The following DLGAP2 variants were observed in gnomAD, a reference collection of about 807,000 sequenced individuals.
DLGAP2 encodes disks large-associated protein 2.
DLGAP2 carries 26 observed loss-of-function variants against 100.3 expected under a neutral mutation model. The observed-to-expected ratio is 0.26, with a 90% CI of 0.19 to 0.36. The LOEUF (loss-of-function observed/expected upper bound fraction) is 0.36. Among genes scored for constraint, DLGAP2 ranks in the 10% least tolerant of loss-of-function variants. DLGAP2 has a pLI of 1.00. For missense variants in DLGAP2, 1,858 were observed against 1,453.2 expected (o/e 1.28, Z -4.53); for synonymous variants, 886 against 630.1 (o/e 1.41, Z -6.08).
intron 2 of DLGAP2, among the ~76,000 whole-genome samples, chr8:1,206,435 GCCAT>G (rs1797992741): frequency 1.0e-5 from 1 of 99,280 alleles, no homozygotes; most frequent in Non-Finnish European, 2.1e-5. Flanking sequence ...TTAATCTCCA[GCCAT>G]CCGTGGACTG....
chr8:1,346,500 C>T (rs1348428171), intron 3 of DLGAP2, among the ~76,000 whole-genome samples: 2 of 150,572 alleles, frequency 1.3e-5, no homozygotes, highest in Non-Finnish European at 2.9e-5. Context: ...GCATTGCTCT[C>T]ATGATAGCTG....
chr8:802,189 ATGGT>A (rs1796179785), intron 1 of DLGAP2, among the ~76,000 whole-genome samples: 1 of 137,552 alleles, frequency 7.3e-6, no homozygotes, highest in African/African-American at 2.6e-5. Flanking sequence ...GGCCTGGGGA[ATGGT>A]CTGCACTCCT....
At chr8:1,557,593 A>C (rs1240032184) in intron 5 of DLGAP2, among the ~76,000 whole-genome samples, 2 of 152,048 alleles carry the variant, frequency 1.3e-5, no homozygotes, top group Non-Finnish European at 2.9e-5. Flanking sequence ...TGCGTGAGTC[A>C]GCTCGGGTGC....
At chr8:778,023 A>G (rs1821575450) in intron 1 of DLGAP2, among the ~76,000 whole-genome samples, 2 of 146,978 alleles carry the variant, frequency 1.4e-5, no homozygotes, top group Admixed American at 6.9e-5. Flanking sequence ...ACGTAGTCCC[A>G]TATTTCTTGG....
At chr8:1,131,152 A>T (rs528027081) in intron 2 of DLGAP2, among the ~76,000 whole-genome samples, 2 of 152,220 alleles carry the variant, frequency 1.3e-5, no homozygotes, top group Non-Finnish European at 2.9e-5. Flanking sequence ...CTACCTTCAC[A>T]CGGTTCTCTG....
At chr8:1,620,045 T>TC (rs1048844845) in intron 6 of DLGAP2, among the ~76,000 whole-genome samples, 4 of 152,084 alleles carry the variant, frequency 2.6e-5, no homozygotes, top group African/African-American at 7.2e-5. Context: ...CGTTGCTTCA[T>TC]CCCCCCATCC....
At chr8:1,110,454 G>A (rs991985297) in intron 2 of DLGAP2, among the ~76,000 whole-genome samples, 10 of 151,286 alleles carry the variant, frequency 6.6e-5, no homozygotes, top group African/African-American at 1.9e-4. Context: ...TGCTGGGTCT[G>A]TGGGGTGTGC....
chr8:1,392,648 C>T (rs893422200), intron 3 of DLGAP2, among the ~76,000 whole-genome samples: 10 of 152,186 alleles, frequency 6.6e-5, no homozygotes, highest in Admixed American at 3.9e-4. Context: ...TGGGGAGTCC[C>T]GTGGGCCTGG....
chr8:1,219,120 C>G (rs890251337), intron 2 of DLGAP2, among the ~76,000 whole-genome samples: 2 of 152,152 alleles, frequency 1.3e-5, no homozygotes, highest in African/African-American at 4.8e-5. Context: ...ATTTGTTTCT[C>G]TTGCCTGACT....
intron 3 of DLGAP2, among the ~76,000 whole-genome samples, chr8:1,428,596 CATT>C (rs1797304352): frequency 6.6e-6 from 1 of 152,212 alleles, no homozygotes; most frequent in Non-Finnish European, 1.5e-5. Flanking sequence ...TTAAATAAGA[CATT>C]AGACATTTAC....
intron 1 of DLGAP2, among the ~76,000 whole-genome samples, chr8:830,201 G>A (rs982586048): frequency 7.2e-5 from 11 of 152,192 alleles, no homozygotes; most frequent in Non-Finnish European, 4.4e-5. Flanking sequence ...ATATATTTAT[G>A]ACGTACATGA....
At chr8:1,340,700 C>G (rs1473491112) in intron 3 of DLGAP2, among the ~76,000 whole-genome samples, 1 of 152,148 alleles carries the variant, frequency 6.6e-6, no homozygotes, top group Non-Finnish European at 1.5e-5. Flanking sequence ...AGACAAACAC[C>G]ATTGGACTCA....
At chr8:1,464,612 C>A (rs1358148215) in intron 3 of DLGAP2, among the ~76,000 whole-genome samples, 1 of 152,246 alleles carries the variant, frequency 6.6e-6, no homozygotes. Context: ...AGCTCCCAGG[C>A]AGCTAGTCAC....
At chr8:1,176,741 C>T (rs554635975) in intron 2 of DLGAP2, among the ~76,000 whole-genome samples, 4 of 152,246 alleles carry the variant, frequency 2.6e-5, no homozygotes, top group South Asian at 2.1e-4. Flanking sequence ...GCAGCCCCGT[C>T]TGCTGGTCCA....
chr8:1,284,621 T>A (rs1368492093), intron 3 of DLGAP2, among the ~76,000 whole-genome samples: 1 of 152,158 alleles, frequency 6.6e-6, no homozygotes, highest in Admixed American at 6.5e-5. Flanking sequence ...CATTCGTTGT[T>A]TATTCTTTAT....
At chr8:1,452,570 A>C (rs1432428679) in intron 3 of DLGAP2, among the ~76,000 whole-genome samples, 1 of 152,200 alleles carries the variant, frequency 6.6e-6, no homozygotes, top group Admixed American at 6.5e-5. Context: ...CCCGGCTTAA[A>C]TTGCCAGGCA....
intron 3 of DLGAP2, among the ~76,000 whole-genome samples, chr8:1,273,700 C>A (rs553467565): frequency 6.6e-6 from 1 of 152,314 alleles, no homozygotes; most frequent in Admixed American, 6.5e-5. Context: ...TTCTCCAGCC[C>A]ATGTGGTACC....
At chr8:1,034,622 G>A (rs1161406812) in intron 2 of DLGAP2, among the ~76,000 whole-genome samples, 70 of 54,934 alleles carry the variant, frequency 1.3e-3, no homozygotes, top group Admixed American at 1.9e-3. Flanking sequence ...TCCCGACCCC[G>A]CGTGTCACCG....
intron 1 of DLGAP2, among the ~76,000 whole-genome samples, chr8:878,150 CA>C (rs998367431): frequency 6.6e-6 from 1 of 152,054 alleles, no homozygotes; most frequent in Admixed American, 6.6e-5. Flanking sequence ...CATTTTTTAA[CA>C]ATGGGAGAGA....
Sources: allele counts gnomAD v4.1 joint callset (sites outside exome capture counted in the v4.1 genomes callset), GRCh38; gene constraint gnomAD v4.1.1; transcripts MANE v1.5; gene names NCBI Gene and HGNC (gene_info 2026-07-23, HGNC 2026-07-21).